Variants in MIS18A observed in about 807,000 individuals in gnomAD.
The protein encoded by MIS18A is MIS18 kinetochore protein A.
In MIS18A, 14 loss-of-function variants were observed where a neutral mutation model predicts 25.0. The observed-to-expected ratio is 0.56, with a 90% CI of 0.37 to 0.88. MIS18A has a LOEUF of 0.88. Ranked by LOEUF, MIS18A falls within the 40% of genes least tolerant of loss-of-function variation. The pLI, the probability that MIS18A is intolerant of heterozygous loss-of-function variation, is 0.00. For synonymous variants in MIS18A, 134 were observed against 118.6 expected (o/e 1.13, Z -0.84); for missense variants, 292 against 290.8 (o/e 1.00, Z -0.03).
the MIS18A span, among the ~76,000 whole-genome samples, chr21:32,196,366 G>A: frequency 6.6e-6 from 1 of 151,988 alleles, no homozygotes; most frequent in Non-Finnish European, 1.5e-5. Context: ...CACCTCTTAG[G>A]TCTTAGGACT....
At chr21:32,276,538 T>C (rs2031814475) in intron 1 of MIS18A, among the ~76,000 whole-genome samples, 1 of 148,458 alleles carries the variant, frequency 6.7e-6, no homozygotes, top group African/African-American at 2.5e-5. Flanking sequence ...GATGTGGACG[T>C]GGGGAGCACT....
chr21:32,239,575 G>T, the MIS18A span, among the ~76,000 whole-genome samples: 1 of 152,218 alleles, frequency 6.6e-6, no homozygotes, highest in Non-Finnish European at 1.5e-5. Context: ...CACCATGAAA[G>T]GTTCCCCACG....
the MIS18A span, among the ~76,000 whole-genome samples, chr21:32,208,387 G>T: frequency 1.3e-5 from 2 of 152,014 alleles, no homozygotes; most frequent in Non-Finnish European, 2.9e-5. Flanking sequence ...CATGAGATCT[G>T]GTTGTTTAAA....
At position 32,278,797 on chromosome 21, in the gene MIS18A, G is replaced by GCCT. The variant is rs748500047; in HGVS notation, c.215_217dup (p.Glu72dup). The GCCT allele has an allele frequency of 1.3e-6, 2 of 1,587,444 alleles. No individual in the cohort carries two copies. The highest frequency in any genetic ancestry group is 2.3e-5 in the East Asian group (1 of 44,034). ...CAGCGGCCTCTCCTCCGCAGCCGCC[G>GCCT]CCTCCTCCTCCAGCTGCGCCCTCTC... On this transcript the variant is annotated inframe_insertion, in exon 1 of 5. Coordinates refer to ENST00000290130, the MANE Select transcript of MIS18A (RefSeq NM_018944.3).
chr21:32,175,473 T>G, the MIS18A span, among the ~76,000 whole-genome samples: 5 of 152,128 alleles, frequency 3.3e-5, no homozygotes, highest in African/African-American at 7.2e-5. Context: ...TTTAATTTTT[T>G]TTTTAACTTT....
At chr21:32,199,398 G>GA in the MIS18A span, among the ~76,000 whole-genome samples, 3 of 151,162 alleles carry the variant, frequency 2.0e-5, no homozygotes, top group South Asian at 4.2e-4. Flanking sequence ...CACTTGGGTT[G>GA]AAAAAAATCA....
intron 2 of MIS18A, 124 bp downstream of exon 2, chr21:32,274,706 G>A (rs2031778336): frequency 1.5e-5 from 11 of 740,892 alleles, no homozygotes; most frequent in South Asian, 1.8e-5. Flanking sequence ...ATATGCGAAC[G>A]ACTGATTTTT....
the MIS18A span, among the ~76,000 whole-genome samples, chr21:32,157,169 C>T: frequency 1.3e-5 from 2 of 149,684 alleles, no homozygotes; most frequent in South Asian, 4.2e-4. Context: ...GATTTTCCTG[C>T]CTCAGCCTCC....
chr21:32,172,877 T>C, the MIS18A span, among the ~76,000 whole-genome samples: 5 of 152,118 alleles, frequency 3.3e-5, no homozygotes, highest in African/African-American at 1.2e-4. Flanking sequence ...TTTCAACAAA[T>C]GGTGTTGGGA....
At chr21:32,158,427 C>A in the MIS18A span, among the ~76,000 whole-genome samples, 1 of 150,988 alleles carries the variant, frequency 6.6e-6, no homozygotes, top group Non-Finnish European at 1.5e-5. Context: ...TGTATTAGTG[C>A]GCTTTTTTAG....
At chr21:32,238,885 C>T in the MIS18A span, among the ~76,000 whole-genome samples, 9 of 152,036 alleles carry the variant, frequency 5.9e-5, no homozygotes, top group East Asian at 1.3e-3. Context: ...ATGTACAATT[C>T]GACGTTTGTC....
the MIS18A span, among the ~76,000 whole-genome samples, chr21:32,246,675 TAA>T: frequency 5.3e-5 from 8 of 152,176 alleles, no homozygotes; most frequent in African/African-American, 1.9e-4. Flanking sequence ...ACTCTTGTCC[TAA>T]ATCCTTCACT....
chr21:32,183,705 A>G, the MIS18A span, among the ~76,000 whole-genome samples: 8 of 152,188 alleles, frequency 5.3e-5, no homozygotes, highest in African/African-American at 1.7e-4. Flanking sequence ...ATCCAAAACA[A>G]TATTTGCAGA....
At chr21:32,209,669 A>T in the MIS18A span, among the ~76,000 whole-genome samples, 1 of 152,064 alleles carries the variant, frequency 6.6e-6, no homozygotes, top group African/African-American at 2.4e-5. Flanking sequence ...GTGTGATGGG[A>T]GGGGCCCACT....
the MIS18A span, among the ~76,000 whole-genome samples, chr21:32,192,409 T>G: frequency 0.26 from 38,933 of 152,022 alleles, 6,603 homozygotes; most frequent in African/African-American, 0.48. Context: ...GGCCTCCATA[T>G]GGGTACTCCT....
the MIS18A span, among the ~76,000 whole-genome samples, chr21:32,178,273 A>C: frequency 6.6e-6 from 1 of 152,170 alleles, no homozygotes; most frequent in Non-Finnish European, 1.5e-5. Context: ...TAAAATTTAC[A>C]TGGAAATGCA....
chr21:32,160,064 T>C, the MIS18A span, among the ~76,000 whole-genome samples: 1 of 152,178 alleles, frequency 6.6e-6, no homozygotes, highest in East Asian at 1.9e-4. Flanking sequence ...TGCAGGGCAA[T>C]TTCAAGGTAT....
At chr21:32,169,693 C>T in the MIS18A span, among the ~76,000 whole-genome samples, 1 of 151,988 alleles carries the variant, frequency 6.6e-6, no homozygotes, top group Non-Finnish European at 1.5e-5. Context: ...ACACAGAGCC[C>T]CTCAACTTAA....
chr21:32,210,157 T>C, the MIS18A span, among the ~76,000 whole-genome samples: 1 of 152,308 alleles, frequency 6.6e-6, no homozygotes, highest in East Asian at 1.9e-4. Flanking sequence ...ACTCACTTCT[T>C]AGCTGTGTGA....
Sources: allele counts gnomAD v4.1 joint callset (sites outside exome capture counted in the v4.1 genomes callset), GRCh38; gene constraint gnomAD v4.1.1; transcripts MANE v1.5; gene names NCBI Gene and HGNC (gene_info 2026-07-23, HGNC 2026-07-21).